The following ZNF335 variants were observed in gnomAD, a reference collection of about 807,000 sequenced individuals.
ZNF335 encodes NRC-interacting factor 1.
Under a neutral mutation model 145.6 loss-of-function variants are expected in ZNF335, and 84 were observed. That is an observed-to-expected ratio of 0.58 (90% CI 0.48 to 0.69). ZNF335 has a LOEUF of 0.69. Ranked by LOEUF, ZNF335 falls within the 30% of genes least tolerant of loss-of-function variation. ZNF335 has a pLI of 0.00. For synonymous variants in ZNF335, 761 were observed against 717.0 expected, an observed-to-expected ratio of 1.06 and a Z score of -0.98; for missense variants, 1,865 against 1,809.7, an observed-to-expected ratio of 1.03 and a Z score of -0.55.
chr20:45,957,658 C>T lies in ZNF335; in HGVS notation c.2370G>A (p.Met790Ile). ...YQQGAEESTA[M>I]ATQTALDLLL... ...GAAGATCCAAGGCTGTCTGCGTGGC[C>T]ATCGCTGTCGACTCCTCAGCTCCTG... Residue 790 changes from methionine to isoleucine, a missense_variant, in exon 17 of 28, where the codon ATG becomes ATA. Physicochemically the swap from Met to Ile is conservative, Grantham distance 10. Coordinates refer to ENST00000322927, the MANE Select transcript of ZNF335 (RefSeq NM_022095.4). 3 of 1,614,174 alleles carry T rather than the reference C, an allele frequency of 1.9e-6. No individual in the cohort carries two copies. The highest frequency in any genetic ancestry group is 2.5e-6 in the Non-Finnish European group (3 of 1,180,024).
chr20:45,963,774 C>A lies in ZNF335; in HGVS notation c.1319G>T (p.Arg440Leu), dbSNP rs530390392. 59 of 1,614,148 alleles carry A rather than the reference C, an allele frequency of 3.7e-5. No individual in the cohort carries two copies. In the Admixed American group the frequency reaches 8.2e-4, roughly 22 times the overall value. ...CTTGCCTAGGAAGCGCCTGGAAGGT[C>A]GACCTCGGCGCCGGGGCAGAGTGTC... ...EHDTLPRRRGRPSRRFLGKKY... is the reference protein window; with the variant it reads ...EHDTLPRRRGLPSRRFLGKKY... Residue 440 changes from arginine to leucine, a missense_variant, in exon 8 of 28, where the codon CGA becomes CTA. Physicochemically the swap from Arg to Leu is moderately radical, Grantham distance 102. Transcript: ENST00000322927.
chr20:45,969,881 C>T, intron 2 of ZNF335, 190 bp from the exon 3 acceptor site: 1 of 656,864 alleles, frequency 1.5e-6, no homozygotes, highest in Non-Finnish European at 2.4e-6. Context: ...AGGAAAAAGT[C>T]ACAGGGTCCC....
rs781048942 is a variant in ZNF335, at chr20:45,952,578, T to A, written c.2814+20A>T. The A allele has an allele frequency of 6.2e-7, 1 of 1,612,756 alleles. No individual in the cohort carries two copies. Among genetic ancestry groups the A allele is most frequent in the Non-Finnish European group, 8.5e-7 (1 of 1,179,316 alleles). ...GAAGGGGAGGGAGGTGGGGGAGTGG[T>A]TGGCATCCCCAAGCCTCACCTCAAT... is the stretch of plus-strand genomic sequence containing the variant. On this transcript the variant is annotated intron_variant, in intron 19 of 27. Coordinates refer to ENST00000322927, the MANE Select transcript of ZNF335 (RefSeq NM_022095.4).
intron 1 of ZNF335, 70 bp from the exon 2 acceptor site, chr20:45,971,530 A>AT: frequency 6.7e-7 from 1 of 1,500,618 alleles, no homozygotes; most frequent in Admixed American, 2.1e-5. Flanking sequence ...ACGGCCACCC[A>AT]TTTGCACCCC....
intron 18 of ZNF335, among the ~76,000 whole-genome samples, chr20:45,953,169 C>T (rs1018020389): frequency 1.3e-5 from 2 of 152,240 alleles, no homozygotes; most frequent in Non-Finnish European, 2.9e-5. Context: ...CACTTGGATT[C>T]AGGGCTTCCT....
In ZNF335 at chr20:45,950,307, T is replaced by C. The variant is rs1269203549; in HGVS notation, c.3399A>G (p.Ser1133=). The change falls in exon 22 of 28, where the codon TCA becomes TCG. Residue 1133 remains serine, a synonymous_variant. Coordinates refer to ENST00000322927, the MANE Select transcript of ZNF335 (RefSeq NM_022095.4). ...QRLHSPDGRK[S]GTPTARAPTQ... ...TAGGGGCCCGGGCTGTAGGGGTTCC[T>C]GACTTCCTCCCATCAGGACTGTGCA... is the stretch of plus-strand genomic sequence containing the variant. 1.3e-6 allele frequency: 2 copies of C among 1,566,778 alleles called. No homozygotes were observed. The highest frequency in any genetic ancestry group is 2.2e-5 in the East Asian group (1 of 44,452).
chr20:45,949,320 C>G lies in ZNF335; in HGVS notation c.3819+13G>C. ...CCTGTGCCCCAGGTCTCCCTGTCCCCCCACGGCCCTACCTGGGACTCCTGA... is the reference window on the plus strand; with the variant it reads ...CCTGTGCCCCAGGTCTCCCTGTCCCGCCACGGCCCTACCTGGGACTCCTGA... On this transcript the variant is annotated intron_variant, in intron 26 of 27. Coordinates refer to ENST00000322927, the MANE Select transcript of ZNF335 (RefSeq NM_022095.4). 1 of 1,614,122 alleles carries G rather than the reference C, an allele frequency of 6.2e-7. No individual in the cohort carries two copies. Among genetic ancestry groups the G allele is most frequent in the African/African-American group, 1.3e-5 (1 of 75,060 alleles).
intron 18 of ZNF335, 83 bp downstream of exon 18, chr20:45,953,606 C>T: frequency 6.4e-7 from 1 of 1,564,860 alleles, no homozygotes; most frequent in Non-Finnish European, 8.7e-7. Context: ...CTCCTGCCAA[C>T]TAGGCTTGGG....
intron 10 of ZNF335, chr20:45,961,812 C>A (rs2083848117): frequency 7.0e-6 from 3 of 431,010 alleles, no homozygotes; most frequent in African/African-American, 3.9e-5. Flanking sequence ...ATCCCTTCAA[C>A]AACTGTCCCC....
intron 2 of ZNF335, among the ~76,000 whole-genome samples, chr20:45,970,450 G>A (rs918456854): frequency 2.6e-5 from 4 of 152,220 alleles, no homozygotes; most frequent in Admixed American, 6.5e-5. Context: ...TATTAGCTTT[G>A]CATATGTTAA....
chr20:45,955,517 A>T (rs2083713749), intron 17 of ZNF335, among the ~76,000 whole-genome samples: 1 of 151,964 alleles, frequency 6.6e-6, no homozygotes. Flanking sequence ...GAGGCTTTTT[A>T]AAAACACTAC....
intron 9 of ZNF335, among the ~76,000 whole-genome samples, chr20:45,962,489 C>T (rs573801125): frequency 2.0e-5 from 3 of 152,320 alleles, no homozygotes; most frequent in South Asian, 2.1e-4. Context: ...AGCATGGCGC[C>T]GCAGCCTCCA....
Position 45,967,733 on chromosome 20 carries a change from C to G in ZNF335, c.814+1G>C. Reference sequence around the variant, plus strand: ...AAGCAGGTAGGCTGCTACTGACGCACCTGGACGGAAGTGGCGTTCCCGCAT... The same window carrying G: ...AAGCAGGTAGGCTGCTACTGACGCAGCTGGACGGAAGTGGCGTTCCCGCAT... On this transcript the variant is annotated splice_donor_variant, in intron 5 of 27. Coordinates refer to ENST00000322927, the MANE Select transcript of ZNF335 (RefSeq NM_022095.4). LOFTEE classifies it high-confidence loss of function. 1 of 1,609,536 alleles carries G rather than the reference C, an allele frequency of 6.2e-7. No homozygotes were observed. The highest frequency in any genetic ancestry group is 8.5e-7 in the Non-Finnish European group (1 of 1,177,486).
chr20:45,967,031 T>C (rs529256085), intron 6 of ZNF335: 1 of 182,486 alleles, frequency 5.5e-6, no homozygotes, highest in African/African-American at 2.3e-5. Context: ...GTATTTTTCA[T>C]AGAGATGGGG....
At chr20:45,971,106 A>C (rs2084056352) in intron 2 of ZNF335, 104 bp downstream of exon 2, 3 of 1,429,442 alleles carry the variant, frequency 2.1e-6, no homozygotes, top group Non-Finnish European at 2.7e-6. Flanking sequence ...AGTAAACCAG[A>C]AACACCAAGT....
intron 9 of ZNF335, among the ~76,000 whole-genome samples, chr20:45,962,512 C>T (rs1467277050): frequency 1.3e-5 from 2 of 152,228 alleles, no homozygotes; most frequent in African/African-American, 4.8e-5. Context: ...TCTCCCACTG[C>T]GTCACGAGAC....
At chr20:45,950,874 G>A (rs1415625948) in intron 20 of ZNF335, among the ~76,000 whole-genome samples, 1 of 151,850 alleles carries the variant, frequency 6.6e-6, no homozygotes, top group African/African-American at 2.4e-5. Context: ...GAGGGGACCT[G>A]TGCAGGTCCC....
Position 45,948,980 on chromosome 20 carries a change from G to A in ZNF335, c.4002C>T (p.Tyr1334=), listed in dbSNP as rs147347925. 23 of 1,613,902 alleles carry A rather than the reference G, an allele frequency of 1.4e-5. No individual in the cohort carries two copies. The highest frequency in any genetic ancestry group is 4.0e-5 in the African/African-American group (3 of 75,050). Residue 1334 remains tyrosine (Y), a synonymous_variant, in exon 28 of 28, where the codon TAC becomes TAT. Transcript: ENST00000322927. ...AGTCATCGGCCAGGGTGATGACGTC[G>A]TACTCGATGCCCTGGTGCTGCAGCT... ...IQQLQHQGIE[Y]DVITLADD
chr20:45,966,082 TGAAGTCCACAAACTC>T (rs2083947295), intron 6 of ZNF335, among the ~76,000 whole-genome samples: 2 of 152,100 alleles, frequency 1.3e-5, no homozygotes, highest in South Asian at 4.1e-4. Flanking sequence ...AAATAAACAT[TGAAGTCCACAAACTC>T]TACGGCTGCC....
Sources: allele counts gnomAD v4.1 joint callset (sites outside exome capture counted in the v4.1 genomes callset), GRCh38; gene constraint gnomAD v4.1.1; transcripts MANE v1.5; gene names NCBI Gene and HGNC (gene_info 2026-07-23, HGNC 2026-07-21).